THSD4: variants seen among roughly 807,000 people sequenced by gnomAD.
THSD4 encodes the protein thrombospondin type 1 domain containing 4.
A neutral mutation model predicts 119.0 loss-of-function variants in THSD4; 69 were observed. That is an observed-to-expected ratio of 0.58 (90% CI 0.48 to 0.71). The LOEUF (loss-of-function observed/expected upper bound fraction) is 0.71, where lower values mean the gene tolerates loss of function less well. Ranked by LOEUF, THSD4 falls within the 30% of genes least tolerant of loss-of-function variation. The probability of loss-of-function intolerance (pLI) is 0.00; values close to 1 mark genes in which losing one functional copy is unlikely to be tolerated. For synonymous variants in THSD4, 524 were observed against 540.4 expected (o/e 0.97, Z 0.42); for missense variants, 1,393 against 1,391.1 (o/e 1.00, Z -0.02).
intron 6 of THSD4, among the ~76,000 whole-genome samples, chr15:71,299,970 A>AT (rs1183840842): frequency 4.9e-4 from 37 of 76,024 alleles, no homozygotes; most frequent in Non-Finnish European, 8.0e-4. Flanking sequence ...CAAAAAAAAA[A>AT]AAAAAAATAT....
intron 7 of THSD4, among the ~76,000 whole-genome samples, chr15:71,490,797 C>A (rs2047906784): frequency 6.6e-6 from 1 of 152,114 alleles, no homozygotes; most frequent in Non-Finnish European, 1.5e-5. Flanking sequence ...TGGGCCAAAT[C>A]CAGTCTACTG....
chr15:71,342,394 C>T (rs911603669), intron 6 of THSD4: 9 of 153,508 alleles, frequency 5.9e-5, no homozygotes, highest in African/African-American at 2.2e-4. Context: ...ACTTGGAGAT[C>T]CTGAAGTCAG....
chr15:71,217,105 C>G (rs1397926225), intron 4 of THSD4, among the ~76,000 whole-genome samples: 1 of 152,152 alleles, frequency 6.6e-6, no homozygotes, highest in East Asian at 1.9e-4. Context: ...CCCATAGTCC[C>G]TTATCTGAAA....
intron 1 of THSD4, among the ~76,000 whole-genome samples, chr15:71,117,227 T>C (rs1175803698): frequency 1.3e-5 from 2 of 152,200 alleles, no homozygotes; most frequent in Non-Finnish European, 2.9e-5. Flanking sequence ...CATTACCTTC[T>C]TTTTAGTCTC....
intron 7 of THSD4, among the ~76,000 whole-genome samples, chr15:71,556,820 A>G (rs1404773579): frequency 6.6e-6 from 1 of 151,498 alleles, no homozygotes; most frequent in Non-Finnish European, 1.5e-5. Flanking sequence ...CTAAACTCTT[A>G]TTAATTTAAA....
chr15:71,255,581 TG>T (rs1287174125), intron 5 of THSD4, among the ~76,000 whole-genome samples: 1 of 152,134 alleles, frequency 6.6e-6, no homozygotes, highest in Admixed American at 6.5e-5. Context: ...GATCTCTGGG[TG>T]ATTGTTTTGC....
At chr15:71,221,163 C>T (rs533480617) in intron 4 of THSD4, among the ~76,000 whole-genome samples, 1 of 152,256 alleles carries the variant, frequency 6.6e-6, no homozygotes, top group African/African-American at 2.4e-5. Context: ...GGAGACTTCC[C>T]CCTCAGTTTC....
At chr15:71,734,613 C>T (rs541735854) in intron 10 of THSD4, among the ~76,000 whole-genome samples, 1 of 152,046 alleles carries the variant, frequency 6.6e-6, no homozygotes, top group Non-Finnish European at 1.5e-5. Flanking sequence ...GAATGTGCAC[C>T]CCCAAGTGTG....
intron 7 of THSD4, among the ~76,000 whole-genome samples, chr15:71,561,863 AACAC>A (rs71154780): frequency 0.045 from 5,865 of 130,006 alleles, 110 homozygotes; most frequent in Middle Eastern, 0.08. Flanking sequence ...TTTTAAAATA[AACAC>A]ACACACACAC....
Position 71,335,205 on chromosome 15 carries a change from A to AAC in THSD4, c.1016-76478_1016-76477dup, listed in dbSNP as rs572475068. On this transcript the variant is annotated intron_variant, in intron 6 of 17. Transcript: ENST00000261862. ...GTGAGGTGCTTAGAGCAGTGCCTGG[A>AAC]ACACAGCTCACGTTCAGGAAATGCA... 5.2e-4 allele frequency among the ~76,000 whole-genome samples: 79 copies of AAC among 152,326 alleles called. 2 individuals are homozygous for AAC. The highest frequency in any genetic ancestry group is 1.6e-3 in the African/African-American group (66 of 41,584).
intron 1 of THSD4, among the ~76,000 whole-genome samples, chr15:71,132,925 C>A (rs1305063622): frequency 1.3e-5 from 2 of 152,232 alleles, no homozygotes. Flanking sequence ...CCTGAGCCCC[C>A]AGCTGCCTTT....
At chr15:71,117,070 G>A (rs1014878354) in intron 1 of THSD4, among the ~76,000 whole-genome samples, 2 of 152,016 alleles carry the variant, frequency 1.3e-5, no homozygotes, top group African/African-American at 4.8e-5. Context: ...ATTTCCCAGA[G>A]GTCTGGGCCT....
Position 71,595,533 on chromosome 15 carries a change from A to G in THSD4, c.1153-64997A>G, listed in dbSNP as rs1442094537. ...CCAGCCATGTGGAACTGTAAGTCCA[A>G]TTAAACCTCTTTTTGTTCCCAGTTT... On this transcript the variant is annotated intron_variant, in intron 7 of 17. Transcript: ENST00000261862. Among the ~76,000 whole-genome samples, 4 of 152,204 alleles carry G rather than the reference A, an allele frequency of 2.6e-5. 1 individual carries two copies. Among genetic ancestry groups the G allele is most frequent in the Non-Finnish European group, 5.9e-5 (4 of 68,042 alleles).
chr15:71,270,831 C>CTTT (rs770020310), intron 6 of THSD4, among the ~76,000 whole-genome samples: 1 of 34,726 alleles, frequency 2.9e-5, no homozygotes, highest in African/African-American at 1.2e-4. Context: ...AGCCATCTCT[C>CTTT]TTTTTTTTTT....
chr15:71,180,196 C>G (rs941372805), intron 3 of THSD4, among the ~76,000 whole-genome samples: 3 of 143,826 alleles, frequency 2.1e-5, no homozygotes, highest in Non-Finnish European at 1.5e-5. Flanking sequence ...ACACTATCAA[C>G]AGAGTATAAA....
intron 7 of THSD4, among the ~76,000 whole-genome samples, chr15:71,614,440 T>G (rs1318825420): frequency 1.3e-5 from 2 of 152,170 alleles, no homozygotes; most frequent in Non-Finnish European, 2.9e-5. Context: ...CCTAAAGTCC[T>G]CCCTGCTAGT....
intron 7 of THSD4, among the ~76,000 whole-genome samples, chr15:71,652,221 A>T (rs2051104861): frequency 6.6e-6 from 1 of 152,126 alleles, no homozygotes; most frequent in South Asian, 2.1e-4. Flanking sequence ...TATCAGCCCC[A>T]AACCACAGCT....
chr15:71,492,305 C>T (rs2047932216), intron 7 of THSD4, among the ~76,000 whole-genome samples: 1 of 151,946 alleles, frequency 6.6e-6, no homozygotes, highest in Non-Finnish European at 1.5e-5. Flanking sequence ...TGCTCTGTCA[C>T]CCAGGCTGGA....
chr15:71,765,154 C>A lies in THSD4; in HGVS notation c.2724C>A (p.His908Gln). The A allele has an allele frequency of 6.2e-7, 1 of 1,614,264 alleles. No homozygotes were observed. The highest frequency in any genetic ancestry group is 8.5e-7 in the Non-Finnish European group (1 of 1,180,050). Reference sequence around the variant, plus strand: ...AACCCCCCAGCCAGCAATCCTGCCACCTCAAGCCTTGCGGAGCCAAATGGT... The same window carrying A: ...AACCCCCCAGCCAGCAATCCTGCCAACTCAAGCCTTGCGGAGCCAAATGGT... The part of the protein sequence containing the change: ...LEKPPSQQSC[H>Q]LKPCGAKWFS... Residue 908 changes from histidine (H) to glutamine (Q), a missense_variant, in exon 16 of 18, where the codon CAC becomes CAA. Coordinates refer to ENST00000261862, the MANE Select transcript of THSD4 (RefSeq NM_024817.3).
Sources: allele counts gnomAD v4.1 joint callset (sites outside exome capture counted in the v4.1 genomes callset), GRCh38; gene constraint gnomAD v4.1.1; transcripts MANE v1.5; gene names NCBI Gene and HGNC (gene_info 2026-07-23, HGNC 2026-07-21).